The following DST variants were observed in gnomAD, a reference collection of about 807,000 sequenced individuals.
The protein encoded by DST is bullous pemphigoid antigen.
Under a neutral mutation model 875.2 loss-of-function variants are expected in DST, and 253 were observed. That is an observed-to-expected ratio of 0.29 (90% CI 0.26 to 0.32). The LOEUF is 0.32. DST is among the 10% of genes least tolerant of loss of function. The pLI, the probability that DST is intolerant of heterozygous loss-of-function variation, is 1.00. For missense variants in DST, 8,287 were observed against 9,111.6 expected, an observed-to-expected ratio of 0.91 and a Z score of 3.68; for synonymous variants, 3,124 against 3,197.1, an observed-to-expected ratio of 0.98 and a Z score of 0.77.
At chr6:56,746,390 A>ATACTTAG (rs1366833748) in intron 4 of DST, among the ~76,000 whole-genome samples, 3 of 152,248 alleles carry the variant, frequency 2.0e-5, no homozygotes, top group East Asian at 1.9e-4. Flanking sequence ...ACTTGCTTAT[A>ATACTTAG]TATGATTAGC....
At chr6:56,664,291 A>G (rs542255000) in intron 10 of DST, among the ~76,000 whole-genome samples, 62 of 152,334 alleles carry the variant, frequency 4.1e-4, no homozygotes, top group African/African-American at 1.3e-3. Context: ...TCTAAGGCAG[A>G]TATCTACTTG....
intron 69 of DST, among the ~76,000 whole-genome samples, chr6:56,522,746 G>A (rs1323396019): frequency 2.9e-4 from 43 of 146,348 alleles, no homozygotes; most frequent in Admixed American, 2.8e-3. Flanking sequence ...CATAAGCCAA[G>A]CAATTAGAAC....
chr6:56,776,617 A>G (rs148977620), intron 4 of DST, among the ~76,000 whole-genome samples: 2 of 152,292 alleles, frequency 1.3e-5, no homozygotes, highest in Admixed American at 6.5e-5. Flanking sequence ...TGTAAAATCT[A>G]AAGTATTCTA....
intron 8 of DST, 46 bp downstream of exon 8, chr6:56,701,842 T>C: frequency 2.6e-6 from 3 of 1,172,096 alleles, no homozygotes; most frequent in Non-Finnish European, 3.8e-6. Flanking sequence ...GTGGATGTAT[T>C]AGTAACATAT....
At chr6:56,693,117 C>T (rs2099243120) in intron 9 of DST, 1 of 1,288,590 alleles carries the variant, frequency 7.8e-7, no homozygotes, top group Non-Finnish European at 1.0e-6. Flanking sequence ...GTTCTTCTTT[C>T]TCAGCTCTTA....
intron 3 of DST, chr6:56,852,032 T>C: frequency 7.0e-7 from 1 of 1,427,136 alleles, no homozygotes; most frequent in Non-Finnish European, 9.1e-7. Context: ...TGCAACTAAC[T>C]CGAAGTTTCG....
intron 82 of DST, 69 bp downstream of exon 82, chr6:56,497,310 C>T (rs1247178964): frequency 8.4e-6 from 13 of 1,546,892 alleles, no homozygotes; most frequent in Admixed American, 1.8e-5. Flanking sequence ...ATTTATGTAT[C>T]GCCAGGGCCC....
intron 13 of DST, 46 bp downstream of exon 13, chr6:56,648,524 G>A (rs2098957172): frequency 6.6e-7 from 1 of 1,507,486 alleles, no homozygotes; most frequent in Admixed American, 2.1e-5. Flanking sequence ...TTACTTAAGG[G>A]TTTACAATTG....
chr6:56,730,961 C>T (rs1435846360), intron 5 of DST, among the ~76,000 whole-genome samples: 2 of 152,072 alleles, frequency 1.3e-5, no homozygotes, highest in South Asian at 2.1e-4. Flanking sequence ...ATTAATTAGC[C>T]GATTTGCTTT....
Position 56,532,430 on chromosome 6 carries a change from T to C in DST, c.17022A>G (p.Ala5674=). Residue 5674 remains alanine (A), a synonymous_variant, in exon 64 of 104, where the codon GCA becomes GCG. Coordinates refer to ENST00000680361, the MANE Select transcript of DST (RefSeq NM_001374736.1). ...AAATCTTCACTTTATCTGCGGGCTC[T>C]GCTGTTGTAGCAATTTTTTCTCCTT... ...KREGEKIATT[A]EPADKVKILK... 6.2e-7 allele frequency: 1 copy of C among 1,613,382 alleles called. No homozygotes were observed. The highest frequency in any genetic ancestry group is 8.5e-7 in the Non-Finnish European group (1 of 1,179,590).
chr6:56,614,718 C>A (rs1452632971), intron 36 of DST: 3 of 1,134,114 alleles, frequency 2.6e-6, no homozygotes, highest in Non-Finnish European at 3.2e-6. Context: ...ATTGGTCTAA[C>A]CTCCCAGCTG....
chr6:56,689,666 T>C (rs763747574), intron 9 of DST, among the ~76,000 whole-genome samples: 1 of 152,162 alleles, frequency 6.6e-6, no homozygotes, highest in Non-Finnish European at 1.5e-5. Context: ...TCCTGACCCT[T>C]AGAATCACCT....
intron 61 of DST, 25 bp from the exon 62 acceptor site, chr6:56,536,965 T>C: frequency 1.2e-6 from 2 of 1,604,646 alleles, no homozygotes; most frequent in Non-Finnish European, 1.7e-6. Flanking sequence ...GTAATAATTA[T>C]ATGAGTTATA....
intron 58 of DST, 149 bp from the exon 59 acceptor site, chr6:56,557,667 A>T (rs1250272593): frequency 2.9e-5 from 20 of 686,404 alleles, no homozygotes; most frequent in Non-Finnish European, 4.5e-5. Flanking sequence ...TTAAAGGACT[A>T]ACCTACGATT....
chr6:56,759,341 C>T (rs555222141), intron 4 of DST, among the ~76,000 whole-genome samples: 1 of 152,150 alleles, frequency 6.6e-6, no homozygotes, highest in Admixed American at 6.5e-5. Flanking sequence ...GTCCCAGCTA[C>T]TCAGGAGGCT....
At chr6:56,884,586 G>T (rs1378486815) in intron 3 of DST, among the ~76,000 whole-genome samples, 1 of 152,298 alleles carries the variant, frequency 6.6e-6, no homozygotes, top group East Asian at 1.9e-4. Flanking sequence ...ATTAGGGCTT[G>T]CAAGGTGGTA....
chr6:56,668,764 G>T (rs982464456), intron 10 of DST, among the ~76,000 whole-genome samples: 1 of 151,450 alleles, frequency 6.6e-6, no homozygotes, highest in African/African-American at 2.4e-5. Context: ...ACAAAATTCC[G>T]TCTCAAAAAA....
chr6:56,699,263 G>A (rs941107708), intron 9 of DST, among the ~76,000 whole-genome samples: 5 of 152,112 alleles, frequency 3.3e-5, no homozygotes, highest in African/African-American at 1.2e-4. Context: ...TCTATCAAAG[G>A]AGGAAATAGT....
chr6:56,527,306 C>T (rs1007778035), intron 68 of DST, among the ~76,000 whole-genome samples, 187 bp downstream of exon 68: 16 of 152,144 alleles, frequency 1.1e-4, no homozygotes, highest in African/African-American at 3.6e-4. Context: ...TTATAACATA[C>T]TGTTTTCATC....
Sources: gnomAD v4.1 joint callset for allele counts (sites outside exome capture counted in the v4.1 genomes callset) on GRCh38, gnomAD v4.1.1 for gene constraint, MANE v1.5 for transcripts, NCBI Gene and HGNC (gene_info 2026-07-23, HGNC 2026-07-21) for gene names.